The following ZBTB22 variants were observed in gnomAD, a reference collection of about 807,000 sequenced individuals.
The protein encoded by ZBTB22 is zinc finger and BTB domain-containing protein 22.
For missense variants in ZBTB22, 668 were observed against 834.1 expected (o/e 0.80, Z 2.45); for synonymous variants, 356 against 347.3 (o/e 1.03, Z -0.28).
rs1769876238 is a variant in ZBTB22 at position 33,316,357 on chromosome 6, C to G, written c.560G>C (p.Gly187Ala). 6.2e-7 allele frequency: 1 copy of G among 1,613,836 alleles called. No homozygotes were observed. ...GCTGGAGGCATGGGAGCGCGCAGAG[C>G]CCATGGTAGCAGGGGCCACAGTGCC... ...SGGTVAPATM[G>A]SARSHASSRA... Residue 187 changes from glycine to alanine, a missense_variant, in exon 2 of 2, where the codon GGC becomes GCC. Gly to Ala is a moderately conservative substitution (Grantham distance 60). Transcript: ENST00000431845. The surrounding 1 kb of genome is among the most constrained non-coding windows in gnomAD (Gnocchi z 7.2).
intron 1 of ZBTB22, 130 bp from the exon 2 acceptor site, chr6:33,317,115 C>G (rs1236193439): frequency 1.6e-6 from 1 of 619,658 alleles, no homozygotes; most frequent in African/African-American, 1.8e-5. Context: ...TCCTCTCAAC[C>G]CCATTTGACA....
Position 33,315,081 on chromosome 6 carries a change from T to A in ZBTB22, c.1836A>T (p.Arg612Ser). Reference sequence around the variant, plus strand: ...GGACTCTGGGTGGGGACCAGACACGTCTGCTGGACGGGGGCGTGGCCGCAC... The same window carrying A: ...GGACTCTGGGTGGGGACCAGACACGACTGCTGGACGGGGGCGTGGCCGCAC... The part of the protein sequence containing the change: ...EASAATPPSS[R>S]RVWSPPRVHK... Residue 612 changes from arginine (R) to serine (S), a missense_variant, in exon 2 of 2, where the codon AGA (arginine) becomes AGT (serine). Physicochemically the swap from Arg to Ser is moderately radical, Grantham distance 110. Transcript: ENST00000431845. This position sits in a 1 kb window ranked among gnomAD's most constrained non-coding sequence, Gnocchi z 5.4. 6.2e-7 allele frequency: 1 copy of A among 1,605,922 alleles called. No homozygotes were observed. Among genetic ancestry groups the A allele is most frequent in the Non-Finnish European group, 8.5e-7 (1 of 1,174,618 alleles).
chr6:33,316,971 C>A lies in ZBTB22; in HGVS notation c.-55G>T, dbSNP rs184607829. The A allele has an allele frequency of 4.0e-6, 6 of 1,499,140 alleles. No individual in the cohort carries two copies. In the East Asian group the frequency reaches 1.4e-4, roughly 35 times the overall value. 92.9% of individuals were successfully genotyped at this position (1,499,140 alleles called of 1,614,324 possible). A position where few individuals can be genotyped will look rare whatever the true frequency, so the allele number is the denominator to read the frequency against. On this transcript the variant is annotated 5_prime_UTR_variant, in exon 2 of 2. Coordinates refer to ENST00000431845, the MANE Select transcript of ZBTB22 (RefSeq NM_005453.5). The surrounding 1 kb of genome is among the most constrained non-coding windows in gnomAD (Gnocchi z 7.2). ...CACAGGAACAAAGAAAGGAGGAGGG[C>A]GGCCGGGGGGGTCTCTGGGAAGAAA...
rs2150981000 is a variant in ZBTB22 at position 33,316,023 on chromosome 6, T to C, written c.894A>G (p.Val298=). The change falls in exon 2 of 2, where the codon GTA becomes GTG. Residue 298 remains valine, a synonymous_variant. Transcript: ENST00000431845. This position sits in a 1 kb window ranked among gnomAD's most constrained non-coding sequence, Gnocchi z 7.2. The stretch of plus-strand genomic sequence containing the variant: ...GGCAATTACCACCTCGCTTCACGTA[T>C]ACCCAGTGTTTCTGTGGCATGATGC... ...PPSIMPQKHW[V]YVKRGGNCPA... 6.2e-6 allele frequency: 10 copies of C among 1,614,126 alleles called. No homozygotes were observed. Among genetic ancestry groups the C allele is most frequent in the East Asian group, 2.2e-5 (1 of 44,872 alleles).
In ZBTB22 at chr6:33,316,070, T is replaced by G. The variant is rs753362819; in HGVS notation, c.847A>C (p.Arg283=). 5 of 1,613,524 alleles carry G rather than the reference T, an allele frequency of 3.1e-6. No individual in the cohort carries two copies. In the East Asian group the frequency reaches 1.1e-4, roughly 36 times the overall value. ...ATGCTAGGGGGTGTGTAGGTGGGTC[T>G]CCGGAGCCCAGCCCCAGGAACCACT... ...GAVVPGAGLR[R]PTYTPPSIMP... is the part of the protein sequence containing the mutation. Residue 283 remains arginine (R), a synonymous_variant, in exon 2 of 2, where the codon AGA becomes CGA. Transcript: ENST00000431845. The surrounding 1 kb of genome is among the most constrained non-coding windows in gnomAD (Gnocchi z 7.2).
rs1465050817 is a variant in ZBTB22 at position 33,315,283 on chromosome 6, A to T, written c.1634T>A (p.Val545Asp). Reference sequence around the variant, plus strand: ...TCGCCACATGAACTTCTTGGCGCAGACTCCGCACTCGTAGGGCTTGAGACC... The same window carrying T: ...TCGCCACATGAACTTCTTGGCGCAGTCTCCGCACTCGTAGGGCTTGAGACC... ...HTGLKPYECG[V>D]CAKKFMWRDS... The change falls in exon 2 of 2, where the codon GTC (valine) becomes GAC (aspartate). Residue 545 changes from valine to aspartate, a missense_variant. Transcript: ENST00000431845. The surrounding 1 kb of genome is among the most constrained non-coding windows in gnomAD (Gnocchi z 5.4). 2 of 1,611,088 alleles carry T rather than the reference A, an allele frequency of 1.2e-6. No homozygotes were observed. The highest frequency in any genetic ancestry group is 2.2e-5 in the South Asian group (2 of 90,862).
rs1396406423 is a variant in ZBTB22, at chr6:33,315,433, G to T, written c.1484C>A (p.Ser495Tyr). ...GTGCCGGTCCCGCATGCTCTTGTGG[G>T]AGAAGGCCTTCCCACAATGGCACAG... is the stretch of plus-strand genomic sequence containing the variant. ...IFLCHCGKAF[S>Y]HKSMRDRHVN... is the part of the protein sequence containing the mutation. The change falls in exon 2 of 2, where the codon TCC becomes TAC. Residue 495 changes from serine to tyrosine, a missense_variant. Ser to Tyr is a moderately radical substitution (Grantham distance 144). Transcript: ENST00000431845. This position sits in a 1 kb window ranked among gnomAD's most constrained non-coding sequence, Gnocchi z 5.4. The T allele has an allele frequency of 5.6e-6, 9 of 1,614,030 alleles. No individual in the cohort carries two copies. The highest frequency in any genetic ancestry group is 6.8e-6 in the Non-Finnish European group (8 of 1,180,030).
rs779558117 is a variant in ZBTB22, at chr6:33,316,064, T to A, written c.853A>T (p.Thr285Ser). ...GGCATGATGCTAGGGGGTGTGTAGG[T>A]GGGTCTCCGGAGCCCAGCCCCAGGA... Reference protein sequence around the residue: ...VVPGAGLRRPTYTPPSIMPQK... With the variant: ...VVPGAGLRRPSYTPPSIMPQK... Residue 285 changes from threonine (T) to serine (S), a missense_variant, in exon 2 of 2, where the codon ACC (threonine) becomes TCC (serine). Thr to Ser is a moderately conservative substitution (Grantham distance 58). Transcript: ENST00000431845. The surrounding 1 kb of genome is among the most constrained non-coding windows in gnomAD (Gnocchi z 7.2). 3 of 1,613,518 alleles carry A rather than the reference T, an allele frequency of 1.9e-6. No homozygotes were observed. The highest frequency in any genetic ancestry group is 2.5e-6 in the Non-Finnish European group (3 of 1,179,896).
rs371719454 is a variant in ZBTB22, at chr6:33,317,253, C to T, written c.-69-268G>A. ...CCTTGGAGGTTAGAGAAATAAGGTGCTCTTAGGGGCTGGAGTGGCTTCCTT... is the reference window on the plus strand; with the variant it reads ...CCTTGGAGGTTAGAGAAATAAGGTGTTCTTAGGGGCTGGAGTGGCTTCCTT... On this transcript the variant is annotated intron_variant, in intron 1 of 1. Transcript: ENST00000431845. Among the ~76,000 whole-genome samples, 58 of 152,298 alleles carry T rather than the reference C, an allele frequency of 3.8e-4. No homozygotes were observed. In the East Asian group the frequency reaches 9.7e-3, roughly 25 times the overall value.
In ZBTB22 at chr6:33,315,675, T is replaced by C; in HGVS notation, c.1242A>G (p.Arg414=). ...CCTGCATGTCCAAGGGAAGGAGCGGTCGAGGAGGGTGGGAGGGGGCATAGG... is the reference window on the plus strand; with the variant it reads ...CCTGCATGTCCAAGGGAAGGAGCGGCCGAGGAGGGTGGGAGGGGGCATAGG... ...PSSYAPSHPP[R]PLLPLDMQGN... is the part of the protein sequence containing the mutation. Residue 414 remains arginine (R), a synonymous_variant, in exon 2 of 2, where the codon CGA becomes CGG. Coordinates refer to ENST00000431845, the MANE Select transcript of ZBTB22 (RefSeq NM_005453.5). The surrounding 1 kb of genome is among the most constrained non-coding windows in gnomAD (Gnocchi z 5.4). The C allele has an allele frequency of 6.2e-7, 1 of 1,613,602 alleles. No individual in the cohort carries two copies. Among genetic ancestry groups the C allele is most frequent in the Non-Finnish European group, 8.5e-7 (1 of 1,179,820 alleles).
At chr6:33,317,354 CT>C (rs758125693) in intron 1 of ZBTB22, among the ~76,000 whole-genome samples, 31 of 152,230 alleles carry the variant, frequency 2.0e-4, no homozygotes, top group Admixed American at 4.6e-4. Context: ...TTTGCACCCA[CT>C]TTTTGGGAGG....
Position 33,314,857 on chromosome 6 carries a change from T to G in ZBTB22, c.*155A>C. On this transcript the variant is annotated 3_prime_UTR_variant, in exon 2 of 2. Transcript: ENST00000431845. ...GAGTAGTAGAATGGGCGGGCGATGGTGAAACTGTGGTTCCCCTTCCAGAAT... is the reference window on the plus strand; with the variant it reads ...GAGTAGTAGAATGGGCGGGCGATGGGGAAACTGTGGTTCCCCTTCCAGAAT... 7.3e-7 allele frequency: 1 copy of G among 1,378,962 alleles called. No homozygotes were observed. The highest frequency in any genetic ancestry group is 2.7e-5 in the East Asian group (1 of 37,488). 85.4% of individuals were successfully genotyped at this position (1,378,962 alleles called of 1,614,324 possible). A position where few individuals can be genotyped will look rare whatever the true frequency, so the allele number is the denominator to read the frequency against.
Position 33,316,132 on chromosome 6 carries a change from T to A in ZBTB22, c.785A>T (p.Asp262Val), listed in dbSNP as rs1769855164. The change falls in exon 2 of 2, where the codon GAT (aspartate) becomes GTT (valine). Residue 262 changes from aspartate to valine, a missense_variant. Coordinates refer to ENST00000431845, the MANE Select transcript of ZBTB22 (RefSeq NM_005453.5). The surrounding 1 kb of genome is among the most constrained non-coding windows in gnomAD (Gnocchi z 7.2). The part of the protein sequence containing the change: ...ATSGKLLLEA[D>V]ELCDDGGDGR... ...ATCCCCACCATCATCGCACAGCTCA[T>A]CTGCCTCCAGCAGCAGCTTTCCAGA... is the stretch of plus-strand genomic sequence containing the variant. 1.9e-6 allele frequency: 3 copies of A among 1,613,512 alleles called. No homozygotes were observed. In the South Asian group the frequency reaches 3.3e-5, roughly 18 times the overall value.
At chr6:33,317,495 A>ACCCC (rs9257105) in intron 1 of ZBTB22, among the ~76,000 whole-genome samples, 158 bp downstream of exon 1, 34 of 84,362 alleles carry the variant, frequency 4.0e-4, no homozygotes, top group East Asian at 2.9e-3. Context: ...TTCCAGGCCC[A>ACCCC]CCCCCCCGTG....
Position 33,316,340 on chromosome 6 carries a change from C to A in ZBTB22, c.577G>T (p.Ala193Ser), listed in dbSNP as rs779096986. The A allele has an allele frequency of 1.2e-6, 2 of 1,613,896 alleles. No individual in the cohort carries two copies. ...PATMGSARSHASSRASENQSP... is the reference protein window; with the variant it reads ...PATMGSARSHSSSRASENQSP... ...TGATTCTCACTGGCCCGGCTGGAGG[C>A]ATGGGAGCGCGCAGAGCCCATGGTA... Residue 193 changes from alanine to serine, a missense_variant, in exon 2 of 2, where the codon GCC (alanine) becomes TCC (serine). Coordinates refer to ENST00000431845, the MANE Select transcript of ZBTB22 (RefSeq NM_005453.5). The surrounding 1 kb of genome is among the most constrained non-coding windows in gnomAD (Gnocchi z 7.2).
chr6:33,315,900 TTCTTCA>T lies in ZBTB22; in HGVS notation c.1011_1016del (p.Asp337_Glu338del), dbSNP rs1562708736. The T allele has an allele frequency of 2.5e-6, 4 of 1,613,826 alleles. No individual in the cohort carries two copies. Among genetic ancestry groups the T allele is most frequent in the Non-Finnish European group, 2.5e-6 (3 of 1,179,932 alleles). On this transcript the variant is annotated inframe_deletion, in exon 2 of 2. Transcript: ENST00000431845. This position sits in a 1 kb window ranked among gnomAD's most constrained non-coding sequence, Gnocchi z 5.4. ...CTGGAACCCTGGAGCTACCCCCTAG[TTCTTCA>T]TCTTCATCATCCTCACAGGTCAACA...
chr6:33,314,772 T>TG lies in ZBTB22; in HGVS notation c.*239dup. 1.4e-6 allele frequency: 1 copy of TG among 695,578 alleles called. No individual in the cohort carries two copies. The highest frequency in any genetic ancestry group is 3.1e-5 in the South Asian group (1 of 32,776). The allele number at this position is 695,578 out of a possible 1,614,324, so 43.1% of individuals were successfully genotyped here. A position where few individuals can be genotyped will look rare whatever the true frequency, so the allele number is the denominator to read the frequency against. ...CTACTCTGTGGAGCAGGGGCTTCAG[T>TG]GTACCCATCAGAGGGAAAGGAAGGG... On this transcript the variant is annotated 3_prime_UTR_variant, in exon 2 of 2. Coordinates refer to ENST00000431845, the MANE Select transcript of ZBTB22 (RefSeq NM_005453.5).
Position 33,314,843 on chromosome 6 carries a change from TG to T in ZBTB22, c.*168del. ...GGGGGGGAGGGGTTGAGTAGTAGAA[TG>T]GGCGGGCGATGGTGAAACTGTGGTT... On this transcript the variant is annotated 3_prime_UTR_variant, in exon 2 of 2. Transcript: ENST00000431845. The T allele has an allele frequency of 7.6e-7, 1 of 1,323,644 alleles. No individual in the cohort carries two copies. Among genetic ancestry groups the T allele is most frequent in the African/African-American group, 1.5e-5 (1 of 67,422 alleles). The allele number at this position is 1,323,644 out of a possible 1,614,324, so 82.0% of individuals were successfully genotyped here.
rs754113971 is a variant in ZBTB22, at chr6:33,315,695, C to G, written c.1222G>C (p.Ala408Pro). The change falls in exon 2 of 2, where the codon GCC becomes CCC. Residue 408 changes from alanine to proline, a missense_variant. Physicochemically the swap from Ala to Pro is conservative, Grantham distance 27. Transcript: ENST00000431845. The surrounding 1 kb of genome is among the most constrained non-coding windows in gnomAD (Gnocchi z 5.4). The stretch of plus-strand genomic sequence containing the variant: ...AGCGGTCGAGGAGGGTGGGAGGGGG[C>G]ATAGGAAGAGGGAGTTGGCCCCCCT... ...DSGGPTPSSYAPSHPPRPLLP... is the reference protein window; with the variant it reads ...DSGGPTPSSYPPSHPPRPLLP... 60 of 1,613,056 alleles carry G rather than the reference C, an allele frequency of 3.7e-5. No homozygotes were observed. In the South Asian group the frequency reaches 6.3e-4, roughly 17 times the overall value.
Sources: allele counts gnomAD v4.1 joint callset (sites outside exome capture counted in the v4.1 genomes callset), GRCh38; gene constraint gnomAD v4.1.1; non-coding constraint Gnocchi (gnomAD v3.1); transcripts MANE v1.5; gene names NCBI Gene and HGNC (gene_info 2026-07-23, HGNC 2026-07-21).